The following KCNIP3 variants were observed in gnomAD, a reference collection of about 807,000 sequenced individuals.
KCNIP3 encodes potassium voltage-gated channel interacting protein 3, also known as calsenilin.
In KCNIP3, 28 loss-of-function variants were observed where a neutral mutation model predicts 35.0. That is an observed-to-expected ratio of 0.80 (90% CI 0.59 to 1.10). The LOEUF is 1.10. Ranked by LOEUF, KCNIP3 falls within the 50% of genes least tolerant of loss-of-function variation. The probability of loss-of-function intolerance (pLI) is 0.00; values close to 1 mark genes in which losing one functional copy is unlikely to be tolerated. For synonymous variants in KCNIP3, 134 were observed against 133.8 expected (o/e 1.00, Z -0.01); for missense variants, 295 against 338.4 (o/e 0.87, Z 1.01).
intron 2 of KCNIP3, among the ~76,000 whole-genome samples, chr2:95,365,526 T>C (rs1438044138): frequency 1.3e-5 from 2 of 152,170 alleles, no homozygotes; most frequent in Non-Finnish European, 2.9e-5. Flanking sequence ...ACGATCCTTG[T>C]AAGAGCAGTT....
At chr2:95,365,158 CTTTTTT>C (rs75136882) in intron 2 of KCNIP3, among the ~76,000 whole-genome samples, 2 of 120,516 alleles carry the variant, frequency 1.7e-5, no homozygotes, top group Admixed American at 8.7e-5. Flanking sequence ...GTCCTTATGT[CTTTTTT>C]TTTTTTTTTT....
intron 2 of KCNIP3, among the ~76,000 whole-genome samples, chr2:95,326,985 G>T (rs1678811345): frequency 2.6e-5 from 4 of 152,174 alleles, no homozygotes; most frequent in Admixed American, 2.0e-4. Context: ...CAGAAGACTT[G>T]CTCCCTCTTA....
At chr2:95,360,190 CAAA>C (rs35137501) in intron 2 of KCNIP3, among the ~76,000 whole-genome samples, 17 of 85,518 alleles carry the variant, frequency 2.0e-4, no homozygotes, top group African/African-American at 2.5e-4. Flanking sequence ...GACTCCGTCT[CAAA>C]AAAAAAAAAA....
chr2:95,347,233 G>A, intron 2 of KCNIP3: 1 of 915,768 alleles, frequency 1.1e-6, no homozygotes, highest in Admixed American at 2.4e-5. Context: ...GAGCGGCCTG[G>A]GCCGCCGCCC....
chr2:95,335,559 G>T (rs1476376752), intron 2 of KCNIP3, among the ~76,000 whole-genome samples: 1 of 152,114 alleles, frequency 6.6e-6, no homozygotes, highest in Non-Finnish European at 1.5e-5. Context: ...CCATGCACAT[G>T]TCAGAATCTC....
intron 2 of KCNIP3, among the ~76,000 whole-genome samples, chr2:95,324,338 C>T (rs1376331148): frequency 4.0e-5 from 6 of 151,644 alleles, no homozygotes; most frequent in East Asian, 3.9e-4. Flanking sequence ...GGTGAAACCC[C>T]GTCTCTACTA....
At chr2:95,375,525 G>C (rs150554618) in intron 5 of KCNIP3, among the ~76,000 whole-genome samples, 2 of 152,108 alleles carry the variant, frequency 1.3e-5, no homozygotes, top group African/African-American at 4.8e-5. Context: ...TTTTCAAAGG[G>C]ATCAGGGCTT....
intron 2 of KCNIP3, among the ~76,000 whole-genome samples, chr2:95,367,249 G>A (rs1214148168): frequency 6.6e-6 from 1 of 152,004 alleles, no homozygotes; most frequent in Non-Finnish European, 1.5e-5. Flanking sequence ...CTCCAGCCTG[G>A]GCGACGGAGC....
At chr2:95,371,899 G>T (rs1193088916) in intron 2 of KCNIP3, among the ~76,000 whole-genome samples, 1 of 151,408 alleles carries the variant, frequency 6.6e-6, no homozygotes, top group African/African-American at 2.4e-5. Context: ...TCGCCTCCTG[G>T]ATTGAAGCGA....
rs571983255 is a variant in KCNIP3 at position 95,305,100 on chromosome 2, G to A, written c.16-5255G>A. ...GGGCCCAGATCTTCTGGCTTCACTC[G>A]TCTCTGCCACTCAACCCTGGCCATC... On this transcript the variant is annotated intron_variant, in intron 1 of 8. Transcript: ENST00000295225. Among the ~76,000 whole-genome samples the A allele has an allele frequency of 7.2e-5, 11 of 152,232 alleles. No individual in the cohort carries two copies. The South Asian group carries it at 8.3e-4, about 11-fold the overall frequency.
At position 95,341,960 on chromosome 2, in the gene KCNIP3, G is replaced by T. The variant is rs1034999082; in HGVS notation, c.181+31440G>T. ...GAGGGAAAAGGACGGGGGCGGGGTG[G>T]AGACTGATGATGGAGGAGATCTAGG... On this transcript the variant is annotated intron_variant, in intron 2 of 8. Coordinates refer to ENST00000295225, the MANE Select transcript of KCNIP3 (RefSeq NM_013434.5). Among the ~76,000 whole-genome samples the T allele has an allele frequency of 4.6e-5, 7 of 152,204 alleles. No individual in the cohort carries two copies. The South Asian group carries it at 1.2e-3, about 27-fold the overall frequency.
chr2:95,304,413 G>A lies in KCNIP3; in HGVS notation c.16-5942G>A, dbSNP rs75263408. On this transcript the variant is annotated intron_variant, in intron 1 of 8. Transcript: ENST00000295225. ...CCTGTTGAGGCTCTGAGCTGAGGCCGTGCCCTCCCTTTGTAAAGAGAATGG... is the reference window on the plus strand; with the variant it reads ...CCTGTTGAGGCTCTGAGCTGAGGCCATGCCCTCCCTTTGTAAAGAGAATGG... 2.7e-3 allele frequency among the ~76,000 whole-genome samples: 405 copies of A among 152,280 alleles called. 24 individuals are homozygous for A. The East Asian group carries it at 0.072, about 27-fold the overall frequency.
intron 1 of KCNIP3, among the ~76,000 whole-genome samples, chr2:95,302,033 A>G (rs1362135673): frequency 6.6e-6 from 1 of 152,136 alleles, no homozygotes; most frequent in African/African-American, 2.4e-5. Context: ...TGGAGAATCC[A>G]GGCTCCCCAA....
chr2:95,375,053 G>T, intron 4 of KCNIP3, 85 bp from the exon 5 acceptor site: 1 of 1,522,566 alleles, frequency 6.6e-7, no homozygotes, highest in South Asian at 1.1e-5. Context: ...GACGCAGTTA[G>T]CACCCTCAGC....
At chr2:95,323,718 C>T (rs1255905880) in intron 2 of KCNIP3, among the ~76,000 whole-genome samples, 2 of 152,160 alleles carry the variant, frequency 1.3e-5, no homozygotes, top group African/African-American at 4.8e-5. Flanking sequence ...CAGGATGTGT[C>T]CTGGCTCCCG....
chr2:95,326,102 TATACAC>T lies in KCNIP3; in HGVS notation c.181+15595_181+15600del, dbSNP rs922621664. Among the ~76,000 whole-genome samples, 12 of 136,980 alleles carry T rather than the reference TATACAC, an allele frequency of 8.8e-5. No individual in the cohort carries two copies. The East Asian group carries it at 1.1e-3, about 12-fold the overall frequency. 89.9% of individuals were successfully genotyped at this position (136,980 alleles called of 152,430 possible). On this transcript the variant is annotated intron_variant, in intron 2 of 8. Transcript: ENST00000295225. Reference sequence around the variant, plus strand: ...ACACACTCATATACACATACACACATATACACATACACATACACGCACACTTATAAA... The same window carrying T: ...ACACACTCATATACACATACACACATATACACATACACGCACACTTATAAA...
chr2:95,320,881 T>G (rs2104225897), intron 2 of KCNIP3, among the ~76,000 whole-genome samples: 1 of 126,194 alleles, frequency 7.9e-6, no homozygotes, highest in Admixed American at 7.8e-5. Flanking sequence ...GGCCCTCTCC[T>G]CCCCGCCCCC....
At chr2:95,303,762 A>T (rs1292844640) in intron 1 of KCNIP3, among the ~76,000 whole-genome samples, 1 of 152,162 alleles carries the variant, frequency 6.6e-6, no homozygotes, top group Non-Finnish European at 1.5e-5. Flanking sequence ...TGCCAGGAGG[A>T]TGCTGCCCCA....
At chr2:95,332,291 A>G (rs1449380512) in intron 2 of KCNIP3, among the ~76,000 whole-genome samples, 2 of 152,220 alleles carry the variant, frequency 1.3e-5, no homozygotes, top group Non-Finnish European at 1.5e-5. Flanking sequence ...TGATGATCTG[A>G]TTTTATTCTG....
Sources: allele counts gnomAD v4.1 joint callset (sites outside exome capture counted in the v4.1 genomes callset), GRCh38; gene constraint gnomAD v4.1.1; transcripts MANE v1.5; gene names NCBI Gene and HGNC (gene_info 2026-07-23, HGNC 2026-07-21).